Variants in PACRG observed in about 807,000 individuals in gnomAD.
The protein encoded by PACRG is parkin coregulated gene protein.
PACRG carries 29 observed loss-of-function variants against 29.7 expected under a neutral mutation model. That is an observed-to-expected ratio of 0.98 (90% CI 0.73 to 1.33). PACRG has a LOEUF of 1.33. Among genes scored for constraint, PACRG ranks in the 40% most tolerant of loss-of-function variants. PACRG has a pLI of 0.00. For synonymous variants in PACRG, 116 were observed against 118.7 expected (o/e 0.98, Z 0.15); for missense variants, 279 against 316.2 (o/e 0.88, Z 0.89).
intron 2 of PACRG, among the ~76,000 whole-genome samples, chr6:162,868,374 A>T (rs1243018600): frequency 4.6e-5 from 7 of 152,214 alleles, no homozygotes; most frequent in African/African-American, 1.7e-4. Context: ...TAACAGACAG[A>T]ATTACATCTT....
intron 4 of PACRG, among the ~76,000 whole-genome samples, chr6:163,236,004 A>C (rs1265155766): frequency 6.6e-6 from 1 of 152,062 alleles, no homozygotes; most frequent in African/African-American, 2.4e-5. Flanking sequence ...TGCTCTTCCA[A>C]AGGTTACTTG....
At chr6:162,887,880 T>C (rs184485198) in intron 2 of PACRG, among the ~76,000 whole-genome samples, 1 of 152,124 alleles carries the variant, frequency 6.6e-6, no homozygotes, top group South Asian at 2.1e-4. Flanking sequence ...TCTTGGTGAC[T>C]GTCTTTGTCT....
chr6:163,129,032 C>G (rs1340937151), intron 4 of PACRG, among the ~76,000 whole-genome samples: 1 of 151,682 alleles, frequency 6.6e-6, no homozygotes, highest in African/African-American at 2.4e-5. Context: ...GAGGAAAACA[C>G]CTAAAACCCA....
At chr6:162,871,203 C>T (rs1168450674) in intron 2 of PACRG, among the ~76,000 whole-genome samples, 2 of 152,052 alleles carry the variant, frequency 1.3e-5, no homozygotes, top group Admixed American at 6.5e-5. Flanking sequence ...TAAAAGTATG[C>T]AATCATACTT....
intron 4 of PACRG, among the ~76,000 whole-genome samples, chr6:163,139,033 T>A (rs929690829): frequency 2.0e-5 from 3 of 152,242 alleles, no homozygotes; most frequent in Non-Finnish European, 4.4e-5. Flanking sequence ...CTGTGGCTGC[T>A]GTAACAGATG....
chr6:163,102,168 T>C (rs999044431), intron 4 of PACRG, among the ~76,000 whole-genome samples: 5 of 152,240 alleles, frequency 3.3e-5, no homozygotes, highest in Middle Eastern at 3.4e-3. Context: ...ATGGGAACCT[T>C]GCCACACATG....
At chr6:162,902,092 C>T (rs1368131686) in intron 2 of PACRG, among the ~76,000 whole-genome samples, 1 of 152,188 alleles carries the variant, frequency 6.6e-6, no homozygotes, top group Non-Finnish European at 1.5e-5. Context: ...CAAGAAGATT[C>T]TTACTCTATG....
intron 2 of PACRG, among the ~76,000 whole-genome samples, chr6:162,865,385 G>A (rs975790356): frequency 6.6e-6 from 1 of 152,118 alleles, no homozygotes; most frequent in Non-Finnish European, 1.5e-5. Flanking sequence ...AGGATATAGG[G>A]ATACAGCATC....
intron 3 of PACRG, among the ~76,000 whole-genome samples, chr6:163,085,655 A>T (rs113008300): frequency 1.3e-5 from 2 of 152,170 alleles, no homozygotes; most frequent in Admixed American, 1.3e-4. Context: ...GCTAGTCCCT[A>T]GCGCGCTGCT....
rs547051428 is a variant in PACRG, at chr6:162,867,471, C to G, written c.291+53190C>G. On this transcript the variant is annotated intron_variant, in intron 2 of 4. Coordinates refer to ENST00000366888, the MANE Select transcript of PACRG (RefSeq NM_001080379.2). Reference sequence around the variant, plus strand: ...CACCCTGGCTTCCTGAAGGGCTGTGCTGGCTTCTCCTCCAGGGTCCCTACC... The same window carrying G: ...CACCCTGGCTTCCTGAAGGGCTGTGGTGGCTTCTCCTCCAGGGTCCCTACC... Among the ~76,000 whole-genome samples the G allele has an allele frequency of 7.9e-5, 12 of 152,148 alleles. No individual in the cohort carries two copies. The South Asian group carries it at 2.5e-3, about 32-fold the overall frequency.
chr6:163,042,804 A>G (rs1167052318), intron 2 of PACRG: 2 of 152,154 alleles, frequency 1.3e-5, no homozygotes, highest in African/African-American at 2.4e-5. Flanking sequence ...ATAATTTTTC[A>G]TTAAAAACTT....
chr6:163,247,964 C>A (rs1160772851), intron 4 of PACRG, among the ~76,000 whole-genome samples: 1 of 152,226 alleles, frequency 6.6e-6, no homozygotes, highest in Admixed American at 6.5e-5. Context: ...AGAGACACAA[C>A]TGCATGTTGA....
intron 1 of PACRG, among the ~76,000 whole-genome samples, chr6:162,738,450 AATT>A (rs1780333464): frequency 2.0e-5 from 3 of 152,182 alleles, no homozygotes. Context: ...ACTGGGTACA[AATT>A]ATACTAACAC....
At chr6:162,990,679 G>T (rs1436959123) in intron 2 of PACRG, among the ~76,000 whole-genome samples, 2 of 117,652 alleles carry the variant, frequency 1.7e-5, no homozygotes, top group African/African-American at 4.5e-5. Context: ...TTTCTCCCAT[G>T]TTGTAGGTTG....
chr6:162,743,155 A>G (rs1276876166), intron 1 of PACRG, among the ~76,000 whole-genome samples: 2 of 152,202 alleles, frequency 1.3e-5, no homozygotes, highest in African/African-American at 4.8e-5. Flanking sequence ...TCTGCTGGGC[A>G]TCTGAATGTC....
chr6:162,848,110 G>C (rs1790562749), intron 2 of PACRG, among the ~76,000 whole-genome samples: 1 of 152,144 alleles, frequency 6.6e-6, no homozygotes, highest in South Asian at 2.1e-4. Context: ...CACCGAGCTG[G>C]AGGCTGCGGC....
At chr6:162,980,371 A>G (rs370334245) in intron 2 of PACRG, among the ~76,000 whole-genome samples, 35 of 152,222 alleles carry the variant, frequency 2.3e-4, no homozygotes, top group East Asian at 1.2e-3. Context: ...CTGGCTTTTC[A>G]GTAGGGGCAG....
chr6:163,164,528 C>T (rs1208170322), intron 4 of PACRG, among the ~76,000 whole-genome samples: 2 of 152,216 alleles, frequency 1.3e-5, no homozygotes, highest in African/African-American at 4.8e-5. Flanking sequence ...GCTCTTCCCT[C>T]GCTTGAGTTA....
intron 2 of PACRG, among the ~76,000 whole-genome samples, chr6:162,931,881 A>G (rs1026451788): frequency 1.3e-5 from 2 of 152,032 alleles, no homozygotes; most frequent in African/African-American, 4.8e-5. Context: ...TACAAATGCC[A>G]TATGTAGAGC....
Sources: allele counts gnomAD v4.1 joint callset (sites outside exome capture counted in the v4.1 genomes callset), GRCh38; gene constraint gnomAD v4.1.1; transcripts MANE v1.5; gene names NCBI Gene and HGNC (gene_info 2026-07-23, HGNC 2026-07-21).